The following GSK3B variants were observed in gnomAD, a reference collection of about 807,000 sequenced individuals.
GSK3B encodes glycogen synthase kinase-3 beta.
A neutral mutation model predicts 56.4 loss-of-function variants in GSK3B; 15 were observed. The ratio of observed to expected loss-of-function variants is 0.27; its 90% CI spans 0.18 to 0.41. The LOEUF (loss-of-function observed/expected upper bound fraction) is 0.41. Ranked by LOEUF, GSK3B falls within the 10% of genes least tolerant of loss-of-function variation. The probability of loss-of-function intolerance (pLI) is 1.00; values close to 1 mark genes in which losing one functional copy is unlikely to be tolerated. For synonymous variants in GSK3B, 181 were observed against 188.9 expected, an observed-to-expected ratio of 0.96 and a Z score of 0.34; for missense variants, 300 against 513.4, an observed-to-expected ratio of 0.58 and a Z score of 4.02.
intron 8 of GSK3B, among the ~76,000 whole-genome samples, chr3:119,874,011 G>T (rs1003728671): frequency 1.3e-5 from 2 of 152,106 alleles, no homozygotes; most frequent in African/African-American, 4.8e-5. Flanking sequence ...AGTTTGAAAA[G>T]CATTAGTATA....
At chr3:119,869,943 CCGCTTAT>C (rs1394348382) in intron 8 of GSK3B, among the ~76,000 whole-genome samples, 1 of 152,180 alleles carries the variant, frequency 6.6e-6, no homozygotes, top group East Asian at 1.9e-4. Context: ...TGCCAAATGT[CCGCTTAT>C]CCAATTTAAT....
At chr3:119,936,356 T>A (rs201838958) in intron 3 of GSK3B, among the ~76,000 whole-genome samples, 1,252 of 108,920 alleles carry the variant, frequency 0.011, 13 homozygotes, top group African/African-American at 0.04. Context: ...ATATATATAT[T>A]TTTTTTTTGA....
At chr3:120,021,330 C>G (rs1353494171) in intron 1 of GSK3B, among the ~76,000 whole-genome samples, 2 of 150,878 alleles carry the variant, frequency 1.3e-5, no homozygotes, top group Admixed American at 1.3e-4. Flanking sequence ...ATGGTGAAAC[C>G]CCGTCTCTAC....
intron 2 of GSK3B, among the ~76,000 whole-genome samples, chr3:119,992,662 A>G (rs2107468812): frequency 6.6e-6 from 1 of 152,196 alleles, no homozygotes; most frequent in South Asian, 2.1e-4. Context: ...ACTACCATAC[A>G]CAAAGTAAAA....
chr3:120,056,719 A>G (rs1195438357), intron 1 of GSK3B, among the ~76,000 whole-genome samples: 1 of 152,212 alleles, frequency 6.6e-6, no homozygotes, highest in African/African-American at 2.4e-5. Flanking sequence ...TAGTTTGAGG[A>G]AGAGCAAGTT....
intron 1 of GSK3B, among the ~76,000 whole-genome samples, chr3:120,015,598 C>T (rs1247017783): frequency 7.9e-6 from 1 of 127,200 alleles, no homozygotes; most frequent in African/African-American, 3.1e-5. Context: ...TGCAATAAGC[C>T]AAGATCACGC....
chr3:119,940,550 T>C (rs548670475), intron 3 of GSK3B, among the ~76,000 whole-genome samples: 2 of 152,240 alleles, frequency 1.3e-5, no homozygotes, highest in East Asian at 3.9e-4. Context: ...AGTGGTGGTA[T>C]TAGGGAAGGT....
intron 9 of GSK3B, 131 bp downstream of exon 9, chr3:119,863,288 C>T (rs187274658): frequency 3.5e-5 from 25 of 714,872 alleles, no homozygotes; most frequent in South Asian, 1.6e-4. Flanking sequence ...AGAAAGGATG[C>T]TCTTTTCACC....
intron 1 of GSK3B, chr3:120,041,040 C>T (rs2058061139): frequency 6.5e-6 from 1 of 153,412 alleles, no homozygotes; most frequent in African/African-American, 2.4e-5. Context: ...CACTGTGTCA[C>T]TGGCATCGTC....
At chr3:119,907,828 T>C (rs2056698100) in intron 6 of GSK3B, among the ~76,000 whole-genome samples, 1 of 152,132 alleles carries the variant, frequency 6.6e-6, no homozygotes, top group Non-Finnish European at 1.5e-5. Flanking sequence ...CATTCTCAAT[T>C]CCCAATCAAA....
rs1197279292 is a variant in GSK3B, at chr3:120,094,399, C to T, written c.-965G>A. ...CACTTGGCCCGGGCGGCGGCGGCGGCGGCGGCGGCACAAGCCCGCATTCGC... is the reference window on the plus strand; with the variant it reads ...CACTTGGCCCGGGCGGCGGCGGCGGTGGCGGCGGCACAAGCCCGCATTCGC... On this transcript the variant is annotated 5_prime_UTR_variant, in exon 1 of 11. Transcript: ENST00000264235. The T allele has an allele frequency of 1.9e-5, 6 of 322,098 alleles. No homozygotes were observed. Among genetic ancestry groups the T allele is most frequent in the East Asian group, 5.6e-5 (1 of 17,834 alleles). 20.0% of individuals were successfully genotyped at this position (322,098 alleles called of 1,614,324 possible).
intron 7 of GSK3B, among the ~76,000 whole-genome samples, chr3:119,895,986 G>C (rs2056558859): frequency 6.6e-6 from 1 of 151,948 alleles, no homozygotes. Flanking sequence ...AAATTTGCCA[G>C]GCATGGTGGT....
intron 6 of GSK3B, among the ~76,000 whole-genome samples, chr3:119,906,596 T>C (rs529855015): frequency 6.6e-6 from 1 of 152,188 alleles, no homozygotes; most frequent in Non-Finnish European, 1.5e-5. Context: ...TAACACCTCT[T>C]TCTCTCTCAA....
intron 9 of GSK3B, among the ~76,000 whole-genome samples, chr3:119,849,862 C>A (rs2055903345): frequency 6.6e-6 from 1 of 152,064 alleles, no homozygotes; most frequent in African/African-American, 2.4e-5. Flanking sequence ...GTTGCCCAGG[C>A]TGGAGTACAA....
At chr3:119,991,510 C>CAAA (rs61063108) in intron 2 of GSK3B, among the ~76,000 whole-genome samples, 25 of 78,902 alleles carry the variant, frequency 3.2e-4, no homozygotes, top group African/African-American at 4.5e-4. Flanking sequence ...TACTATTCAC[C>CAAA]AAAAAAAAAA....
At chr3:119,945,519 C>T (rs1298954577) in intron 3 of GSK3B, among the ~76,000 whole-genome samples, 2 of 152,108 alleles carry the variant, frequency 1.3e-5, no homozygotes, top group Non-Finnish European at 2.9e-5. Context: ...TCAGTTGTCA[C>T]CCCCAATGCA....
At chr3:119,920,740 T>A (rs1175984052) in intron 4 of GSK3B, among the ~76,000 whole-genome samples, 1 of 152,152 alleles carries the variant, frequency 6.6e-6, no homozygotes, top group Non-Finnish European at 1.5e-5. Context: ...AATGAAATTT[T>A]CAATGTAAGA....
chr3:119,894,741 T>G (rs1393901986), intron 7 of GSK3B, among the ~76,000 whole-genome samples: 1 of 152,152 alleles, frequency 6.6e-6, no homozygotes, highest in Admixed American at 6.6e-5. Context: ...TTTTTAAATT[T>G]GACAAAGTCC....
chr3:120,014,366 T>C (rs1004913145), intron 1 of GSK3B, among the ~76,000 whole-genome samples: 1 of 151,978 alleles, frequency 6.6e-6, no homozygotes, highest in African/African-American at 2.4e-5. Flanking sequence ...TAAAAATTAA[T>C]TAGCAAAGGG....
Sources: gnomAD v4.1 joint callset for allele counts (sites outside exome capture counted in the v4.1 genomes callset) on GRCh38, gnomAD v4.1.1 for gene constraint, MANE v1.5 for transcripts, NCBI Gene and HGNC (gene_info 2026-07-23, HGNC 2026-07-21) for gene names.